Variants in RGS6 observed in about 807,000 individuals in gnomAD.
The protein encoded by RGS6 is regulator of G-protein signaling 6.
A neutral mutation model predicts 78.5 loss-of-function variants in RGS6; 30 were observed. The ratio of observed to expected loss-of-function variants is 0.38; its 90% CI spans 0.29 to 0.52. RGS6 has a LOEUF of 0.52. RGS6 is among the 20% of genes least tolerant of loss of function. The pLI is 0.85. For synonymous variants in RGS6, 206 were observed against 206.0 expected (o/e 1.00, Z 0.00); for missense variants, 495 against 609.7 (o/e 0.81, Z 1.98).
chr14:72,419,452 G>A (rs1286976819), intron 3 of RGS6, among the ~76,000 whole-genome samples: 3 of 152,194 alleles, frequency 2.0e-5, no homozygotes, highest in Non-Finnish European at 2.9e-5. Context: ...GTCCAAGACT[G>A]CCGGCCTGAA....
chr14:72,489,155 G>GC lies in RGS6; in HGVS notation c.855-5997_855-5996insC, dbSNP rs1443927486. On this transcript the variant is annotated intron_variant, in intron 12 of 17. Transcript: ENST00000553525. ...GCAGATGTCCTGGGAGGACAAAGGG[G>GC]GCCCCCCCACCGGCTGTTTGCTCAT... is the stretch of plus-strand genomic sequence containing the variant. Among the ~76,000 whole-genome samples the GC allele has an allele frequency of 3.0e-3, 351 of 116,490 alleles. 7 individuals carry two copies. Among genetic ancestry groups the GC allele is most frequent in the African/African-American group, 0.01 (302 of 30,188 alleles). 76.4% of individuals were successfully genotyped at this position (116,490 alleles called of 152,430 possible).
At chr14:72,077,304 T>C (rs915719243) in intron 2 of RGS6, among the ~76,000 whole-genome samples, 1 of 152,194 alleles carries the variant, frequency 6.6e-6, no homozygotes, top group Non-Finnish European at 1.5e-5. Context: ...TGATTTGTAA[T>C]GGCTCTCTAT....
At chr14:72,140,907 C>G (rs1033374673) in intron 2 of RGS6, among the ~76,000 whole-genome samples, 4 of 152,248 alleles carry the variant, frequency 2.6e-5, no homozygotes, top group African/African-American at 9.6e-5. Flanking sequence ...TTGGTCCCCA[C>G]TGTGTTTGAT....
At chr14:72,608,436 C>G in the RGS6 span, among the ~76,000 whole-genome samples, 2 of 152,176 alleles carry the variant, frequency 1.3e-5, no homozygotes. Context: ...CCCAGGGCAG[C>G]CAACTCACTG....
chr14:72,052,745 A>G (rs977419896), intron 2 of RGS6, among the ~76,000 whole-genome samples: 7 of 152,062 alleles, frequency 4.6e-5, no homozygotes, highest in Non-Finnish European at 1.0e-4. Context: ...TACAATTGCT[A>G]TCAGGTTTTG....
In RGS6 at chr14:72,351,545, A is replaced by G. The variant is rs116744439; in HGVS notation, c.85-550A>G. Among the ~76,000 whole-genome samples, 461 of 152,196 alleles carry G rather than the reference A, an allele frequency of 3.0e-3. 2 individuals carry two copies. Among genetic ancestry groups the G allele is most frequent in the African/African-American group, 0.011 (444 of 41,528 alleles). On this transcript the variant is annotated intron_variant, in intron 2 of 17. Coordinates refer to ENST00000553525, the MANE Select transcript of RGS6 (RefSeq NM_001204424.2). ...CATGACCACTGAGACCTGTTTTCCA[A>G]CTTCTTCAGATCAGAGCTTTCCATA...
chr14:72,411,647 T>C (rs2093421366), intron 3 of RGS6, among the ~76,000 whole-genome samples: 1 of 152,212 alleles, frequency 6.6e-6, no homozygotes, highest in Admixed American at 6.5e-5. Flanking sequence ...CTTGTGCCAG[T>C]TTTCAAAGGT....
intron 3 of RGS6, among the ~76,000 whole-genome samples, chr14:72,382,630 T>A (rs1247961709): frequency 3.9e-5 from 6 of 152,194 alleles, no homozygotes; most frequent in Non-Finnish European, 7.3e-5. Flanking sequence ...TGCAAGTGAT[T>A]GAAGACACTC....
At chr14:72,325,281 C>T (rs1343422194) in intron 2 of RGS6, among the ~76,000 whole-genome samples, 1 of 152,078 alleles carries the variant, frequency 6.6e-6, no homozygotes, top group African/African-American at 2.4e-5. Flanking sequence ...ACATTGCAAA[C>T]GTTTTCTCCC....
intron 12 of RGS6, among the ~76,000 whole-genome samples, chr14:72,482,371 C>T (rs1406965685): frequency 6.6e-6 from 1 of 152,154 alleles, no homozygotes; most frequent in Non-Finnish European, 1.5e-5. Context: ...TCTACTAACC[C>T]TTCCCCCCAA....
chr14:72,340,919 T>A (rs1306114654), intron 2 of RGS6, among the ~76,000 whole-genome samples: 1 of 152,160 alleles, frequency 6.6e-6, no homozygotes, highest in Admixed American at 6.5e-5. Context: ...GAAGCGGAAC[T>A]TCAGTAACAG....
intron 6 of RGS6, among the ~76,000 whole-genome samples, chr14:72,460,775 G>T (rs78661737): frequency 3.3e-5 from 5 of 152,148 alleles, no homozygotes. Flanking sequence ...AGATGCAGCT[G>T]TGGTGAGTGG....
intron 2 of RGS6, among the ~76,000 whole-genome samples, chr14:72,343,302 C>T (rs2077370439): frequency 6.6e-6 from 1 of 152,296 alleles, no homozygotes; most frequent in South Asian, 2.1e-4. Context: ...TGCCTGCATT[C>T]CTTGGCTTGT....
At chr14:72,429,894 T>C (rs1422911929) in intron 3 of RGS6, among the ~76,000 whole-genome samples, 1 of 152,182 alleles carries the variant, frequency 6.6e-6, no homozygotes, top group Non-Finnish European at 1.5e-5. Flanking sequence ...TCTCATGAGA[T>C]CTGATGGTTT....
chr14:72,371,921 C>T lies in RGS6; in HGVS notation c.184+19727C>T, dbSNP rs1252901766. Among the ~76,000 whole-genome samples the T allele has an allele frequency of 3.3e-5, 5 of 152,202 alleles. No individual in the cohort carries two copies. In the East Asian group the frequency reaches 9.6e-4, roughly 29 times the overall value. ...ACATCATGCTCTGGAGCAACAGTGA[C>T]TATGGATTTCACTGTATCATCGGTC... On this transcript the variant is annotated intron_variant, in intron 3 of 17. Coordinates refer to ENST00000553525, the MANE Select transcript of RGS6 (RefSeq NM_001204424.2).
intron 2 of RGS6, among the ~76,000 whole-genome samples, chr14:72,215,216 T>C (rs560499059): frequency 6.6e-6 from 1 of 152,324 alleles, no homozygotes. Context: ...TGTTCAAATG[T>C]GTAAAAACTC....
chr14:72,119,653 A>C (rs561527180), intron 2 of RGS6, among the ~76,000 whole-genome samples: 1 of 152,232 alleles, frequency 6.6e-6, no homozygotes, highest in Non-Finnish European at 1.5e-5. Context: ...GGTGTTAGAC[A>C]TGAAACAAAC....
rs2153233520 is a variant in RGS6, at chr14:72,459,633, C to G, written c.344C>G (p.Ala115Gly). 6.2e-7 allele frequency: 1 copy of G among 1,614,070 alleles called. No individual in the cohort carries two copies. Among genetic ancestry groups the G allele is most frequent in the East Asian group, 2.2e-5 (1 of 44,854 alleles). Residue 115 changes from alanine (A) to glycine (G), a missense_variant and splice_region_variant, in exon 6 of 18, where the codon GCT becomes GGT. Physicochemically the swap from Ala to Gly is moderately conservative, Grantham distance 60. Coordinates refer to ENST00000553525, the MANE Select transcript of RGS6 (RefSeq NM_001204424.2). ...KDDGTFYRFQ[A>G]PYFWPSNCWE... ...ACTAACACCCATGCTCCTTTGCAGG[C>G]TCCGTACTTCTGGCCTTCGAACTGC...
chr14:72,241,930 A>T (rs2052956118), intron 2 of RGS6, among the ~76,000 whole-genome samples: 2 of 152,362 alleles, frequency 1.3e-5, no homozygotes, highest in South Asian at 4.1e-4. Flanking sequence ...TAATAATATT[A>T]ACTTGCTAAC....
Sources: allele counts gnomAD v4.1 joint callset (sites outside exome capture counted in the v4.1 genomes callset), GRCh38; gene constraint gnomAD v4.1.1; transcripts MANE v1.5; gene names NCBI Gene and HGNC (gene_info 2026-07-23, HGNC 2026-07-21).